The following SRPK2 variants were observed in gnomAD, a reference collection of about 807,000 sequenced individuals.
SRPK2 encodes SFRS protein kinase 2.
SRPK2 carries 21 observed loss-of-function variants against 90.8 expected under a neutral mutation model. The observed-to-expected ratio is 0.23, with a 90% CI of 0.16 to 0.33. The LOEUF (loss-of-function observed/expected upper bound fraction) is 0.33. SRPK2 is among the 10% of genes least tolerant of loss of function. The probability of loss-of-function intolerance (pLI) is 1.00; values close to 1 mark genes in which losing one functional copy is unlikely to be tolerated. For missense variants in SRPK2, 620 were observed against 869.0 expected (o/e 0.71, Z 3.60); for synonymous variants, 288 against 311.1 (o/e 0.93, Z 0.78).
At chr7:105,360,900 C>T (rs1818351472) in intron 2 of SRPK2, among the ~76,000 whole-genome samples, 1 of 152,066 alleles carries the variant, frequency 6.6e-6, no homozygotes, top group African/African-American at 2.4e-5. Flanking sequence ...GGAAGCATTC[C>T]CTTTGAAAAC....
intron 2 of SRPK2, among the ~76,000 whole-genome samples, chr7:105,360,646 T>C (rs918357029): frequency 6.6e-6 from 1 of 152,170 alleles, no homozygotes; most frequent in Admixed American, 6.6e-5. Flanking sequence ...TTTGGCTGGA[T>C]ATGAAATTCT....
intron 2 of SRPK2, among the ~76,000 whole-genome samples, chr7:105,349,800 G>A (rs532797294): frequency 6.6e-5 from 10 of 151,990 alleles, no homozygotes; most frequent in Admixed American, 2.0e-4. Context: ...GTGCAGTGCC[G>A]TGATCTCAGC....
chr7:105,276,843 C>T (rs968533576), intron 2 of SRPK2, among the ~76,000 whole-genome samples: 2 of 152,102 alleles, frequency 1.3e-5, no homozygotes, highest in Admixed American at 1.3e-4. Context: ...GCTTCAAAAC[C>T]ACACGCTTCT....
intron 2 of SRPK2, among the ~76,000 whole-genome samples, chr7:105,279,394 G>C (rs1218180732): frequency 2.0e-5 from 3 of 152,268 alleles, no homozygotes; most frequent in Middle Eastern, 3.4e-3. Flanking sequence ...TATAACCCAA[G>C]AGAAATACTA....
At chr7:105,167,047 T>C (rs55715849) in intron 6 of SRPK2, among the ~76,000 whole-genome samples, 1,622 of 152,274 alleles carry the variant, frequency 0.011, 23 homozygotes, top group African/African-American at 0.037. Flanking sequence ...TTAGAAAGTT[T>C]AAAACACAAA....
At chr7:105,327,287 G>A (rs542300794) in intron 2 of SRPK2, among the ~76,000 whole-genome samples, 9 of 152,102 alleles carry the variant, frequency 5.9e-5, no homozygotes, top group Non-Finnish European at 1.2e-4. Flanking sequence ...TCAAAGTTCT[G>A]TGTCCATAAA....
chr7:105,143,131 G>A lies in SRPK2; in HGVS notation c.1013C>T (p.Thr338Ile). The change falls in exon 10 of 16, where the codon ACA (threonine) becomes ATA (isoleucine). Residue 338 changes from threonine to isoleucine, a missense_variant. Around this residue, in one of 8 missense-constraint regions of SRPK2, gnomAD observed 243 missense variants for 245.7 expected, o/e 0.99. Transcript: ENST00000393651. The stretch of plus-strand genomic sequence containing the variant: ...CTCAGCCGCCTCCTCTAATCCTGTT[G>A]TTTTTAGTTTCACCTCTGGGCAGTA... The part of the protein sequence containing the change: ...GEYCPEVKLK[T>I]TGLEEAAEAE... 1.2e-6 allele frequency: 2 copies of A among 1,614,088 alleles called. No individual in the cohort carries two copies. Among genetic ancestry groups the A allele is most frequent in the South Asian group, 1.1e-5 (1 of 91,072 alleles).
chr7:105,248,186 A>C (rs974248841), intron 2 of SRPK2, among the ~76,000 whole-genome samples: 4 of 152,110 alleles, frequency 2.6e-5, no homozygotes, highest in African/African-American at 9.7e-5. Flanking sequence ...TCTCCGGAAA[A>C]GGTTGGTACT....
chr7:105,216,816 G>T (rs1472302598), intron 2 of SRPK2, among the ~76,000 whole-genome samples: 1 of 152,166 alleles, frequency 6.6e-6, no homozygotes, highest in Non-Finnish European at 1.5e-5. Context: ...TCTAGGTTAG[G>T]CTGAATACCT....
At chr7:105,321,036 T>C (rs533061923) in intron 2 of SRPK2, among the ~76,000 whole-genome samples, 1 of 152,320 alleles carries the variant, frequency 6.6e-6, no homozygotes, top group African/African-American at 2.4e-5. Flanking sequence ...TCTTGCTATG[T>C]TGTACAGGCT....
At chr7:105,366,996 T>G (rs561138017) in intron 2 of SRPK2, among the ~76,000 whole-genome samples, 12 of 152,302 alleles carry the variant, frequency 7.9e-5, no homozygotes, top group Admixed American at 3.9e-4. Context: ...ATGGTGTTAT[T>G]CAAAGTTTAC....
intron 13 of SRPK2, among the ~76,000 whole-genome samples, chr7:105,128,554 A>G (rs780606377): frequency 6.6e-6 from 1 of 152,174 alleles, no homozygotes; most frequent in East Asian, 1.9e-4. Flanking sequence ...GGAAACAATC[A>G]ATTCAGTATC....
At chr7:105,232,321 T>C (rs1799525186) in intron 2 of SRPK2, among the ~76,000 whole-genome samples, 1 of 151,982 alleles carries the variant, frequency 6.6e-6, no homozygotes, top group African/African-American at 2.4e-5. Flanking sequence ...TAGCCAGGCA[T>C]GGTGGCACAT....
chr7:105,352,619 G>T (rs1490300734), intron 2 of SRPK2, among the ~76,000 whole-genome samples: 1 of 152,272 alleles, frequency 6.6e-6, no homozygotes, highest in Non-Finnish European at 1.5e-5. Context: ...ACAACTAGGG[G>T]CTGGGTGTGG....
At chr7:105,261,808 C>T (rs1804334038) in intron 2 of SRPK2, among the ~76,000 whole-genome samples, 2 of 152,082 alleles carry the variant, frequency 1.3e-5, no homozygotes, top group Non-Finnish European at 2.9e-5. Context: ...ACTGATACGC[C>T]CCACTGTCAA....
chr7:105,134,755 AG>A (rs1337571848), intron 11 of SRPK2, among the ~76,000 whole-genome samples: 1 of 152,178 alleles, frequency 6.6e-6, no homozygotes, highest in Non-Finnish European at 1.5e-5. Context: ...ACAGCTCCCT[AG>A]GGGGGCTCCA....
At chr7:105,343,237 A>G (rs1023259624) in intron 2 of SRPK2, among the ~76,000 whole-genome samples, 2 of 152,204 alleles carry the variant, frequency 1.3e-5, no homozygotes, top group African/African-American at 4.8e-5. Flanking sequence ...ATTTAAGACC[A>G]GCCTGGGCAA....
chr7:105,369,160 T>TATTATG (rs1463577830), intron 2 of SRPK2, among the ~76,000 whole-genome samples: 1 of 122,594 alleles, frequency 8.2e-6, no homozygotes, highest in African/African-American at 2.8e-5. Flanking sequence ...TTATTATTAT[T>TATTATG]ATTCGAGATA....
rs923921510 is a variant in SRPK2 at position 105,371,438 on chromosome 7, G to C, written c.71+17210C>G. ...CAAAAATAAAAAATATCCAGTGTCA[G>C]TATCATATATGAATTCAAGAAATAC... On this transcript the variant is annotated intron_variant, in intron 2 of 15. Coordinates refer to ENST00000393651, the MANE Select transcript of SRPK2 (RefSeq NM_182692.3). Among the ~76,000 whole-genome samples the C allele has an allele frequency of 6.1e-5, 9 of 148,682 alleles. No individual in the cohort carries two copies. The Admixed American group carries it at 6.1e-4, about 10-fold the overall frequency.
Sources: allele counts gnomAD v4.1 joint callset (sites outside exome capture counted in the v4.1 genomes callset), GRCh38; gene constraint gnomAD v4.1.1; regional missense constraint gnomAD v4.1.1; transcripts MANE v1.5; gene names NCBI Gene and HGNC (gene_info 2026-07-23, HGNC 2026-07-21).